Variants in CASK observed in about 807,000 individuals in gnomAD.
The protein encoded by CASK is peripheral plasma membrane protein CASK.
Under a neutral mutation model 82.9 loss-of-function variants are expected in CASK, and 4 were observed. The ratio of observed to expected loss-of-function variants is 0.05; its 90% CI spans 0.02 to 0.11. The LOEUF is 0.11. CASK is among the 10% of genes least tolerant of loss of function. The pLI, the probability that CASK is intolerant of heterozygous loss-of-function variation, is 1.00. For missense variants in CASK, 358 were observed against 720.9 expected, an observed-to-expected ratio of 0.50 and a Z score of 5.76; for synonymous variants, 259 against 253.5, an observed-to-expected ratio of 1.02 and a Z score of -0.20.
intron 8 of CASK, among the ~76,000 whole-genome samples, chrX:41,651,612 G>T (rs753228113): frequency 2.6e-3 from 287 of 111,584 alleles, no homozygotes; most frequent in Middle Eastern, 4.6e-3. Context: ...CCCAGGCTGA[G>T]AAGTAATATT....
At chrX:41,912,509 C>T (rs1474316996) in intron 1 of CASK, among the ~76,000 whole-genome samples, 2 of 107,747 alleles carry the variant, frequency 1.9e-5, no homozygotes, top group African/African-American at 6.7e-5. Flanking sequence ...GGCTTCACCA[C>T]GTTAGTCAGG....
At chrX:41,801,120 A>G (rs984353361) in intron 2 of CASK, among the ~76,000 whole-genome samples, 4 of 112,056 alleles carry the variant, frequency 3.6e-5, no homozygotes, top group African/African-American at 1.3e-4. Context: ...AGGAGGGGAA[A>G]AAAAAGCAGA....
chrX:41,747,261 G>A (rs1459784532), intron 3 of CASK, among the ~76,000 whole-genome samples: 1 of 110,147 alleles, frequency 9.1e-6, no homozygotes, highest in Non-Finnish European at 1.9e-5. Flanking sequence ...GTTTATAGTT[G>A]CCTAGTCTAC....
At chrX:41,610,114 A>T (rs768958284) in intron 11 of CASK, 89 bp from the exon 12 acceptor site, 1 of 908,890 alleles carries the variant, frequency 1.1e-6, no homozygotes, top group African/African-American at 2.0e-5. Context: ...CTTAAGAACA[A>T]TGAATTCATA....
intron 5 of CASK, among the ~76,000 whole-genome samples, chrX:41,691,045 A>G (rs6651617): frequency 0.021 from 2,362 of 112,215 alleles, 65 homozygotes; most frequent in African/African-American, 0.072. Context: ...CTATTATAAC[A>G]TAAACAAATG....
Position 41,527,612 on chromosome X carries a change from T to G in CASK, c.2520+3395A>C, listed in dbSNP as rs985986900. Among the ~76,000 whole-genome samples, 7 of 112,163 alleles carry G rather than the reference T, an allele frequency of 6.2e-5. No homozygotes were observed. In the Admixed American group the frequency reaches 6.6e-4, roughly 11 times the overall value. ...ACCCCAGAACCCATCTCAAGAGAGA[T>G]AACTGATTTCACAAAATAGTCTCTG... is the stretch of plus-strand genomic sequence containing the variant. On this transcript the variant is annotated intron_variant, in intron 25 of 26. Coordinates refer to ENST00000378163, the MANE Select transcript of CASK (RefSeq NM_001367721.1).
chrX:41,869,812 C>CAAAAAAAAAAAAAAAAAAAAAAAAAA (rs72190097), intron 1 of CASK, among the ~76,000 whole-genome samples: 1 of 12,116 alleles, frequency 8.3e-5, no homozygotes, highest in African/African-American at 4.3e-4. Flanking sequence ...GACTCTGTCT[C>CAAAAAAAAAAAAAAAAAAAAAAAAAA]AAAAAAAAAA....
intron 2 of CASK, among the ~76,000 whole-genome samples, chrX:41,823,362 G>GA (rs371360746): frequency 0.072 from 6,922 of 96,313 alleles, 617 homozygotes; most frequent in African/African-American, 0.24. Context: ...GGCAAAAAAG[G>GA]AAAAAAAAAA....
At chrX:41,619,105 C>T (rs750071956) in intron 11 of CASK, among the ~76,000 whole-genome samples, 37 of 111,073 alleles carry the variant, frequency 3.3e-4, no homozygotes, top group Non-Finnish European at 3.8e-5. Context: ...GCTGGGATTA[C>T]AGGCGTGATG....
chrX:41,691,630 G>A (rs1423439665), intron 5 of CASK, among the ~76,000 whole-genome samples: 4 of 108,889 alleles, frequency 3.7e-5, no homozygotes, highest in East Asian at 2.9e-4. Context: ...AGGCAGAGGC[G>A]GGCGGAAAAT....
At position 41,645,461 on chromosome X, in the gene CASK, G is replaced by C. The variant is rs146645027; in HGVS notation, c.832-8800C>G. Among the ~76,000 whole-genome samples the C allele has an allele frequency of 6.7e-3, 742 of 111,034 alleles. 10 individuals are homozygous for C. Among genetic ancestry groups the C allele is most frequent in the Admixed American group, 0.045 (464 of 10,348 alleles). On this transcript the variant is annotated intron_variant, in intron 8 of 26. Transcript: ENST00000378163. ...TTCACCAGGAGATCATCAATCCCCT[G>C]TCTAAGTACCCACCAGAAGACTCAA...
chrX:41,628,837 C>T (rs1473711063), intron 9 of CASK, among the ~76,000 whole-genome samples: 1 of 112,072 alleles, frequency 8.9e-6, no homozygotes, highest in Non-Finnish European at 1.9e-5. Context: ...ACGTATTATA[C>T]ATGTTTCCTA....
At chrX:41,663,488 G>A (rs772130949) in intron 7 of CASK, among the ~76,000 whole-genome samples, 33 of 112,594 alleles carry the variant, frequency 2.9e-4, no homozygotes, top group African/African-American at 9.7e-4. Context: ...ATACTAGGAA[G>A]AGGGAATTTT....
intron 12 of CASK, among the ~76,000 whole-genome samples, chrX:41,596,672 AAAAAAAC>A (rs1204520695): frequency 8.9e-6 from 1 of 111,743 alleles, no homozygotes; most frequent in Non-Finnish European, 1.9e-5. Context: ...CTTTTTATTA[AAAAAAAC>A]AAAAAACAAA....
chrX:41,632,974 C>T (rs1424451921), intron 9 of CASK, among the ~76,000 whole-genome samples: 4 of 102,029 alleles, frequency 3.9e-5, no homozygotes, highest in East Asian at 3.1e-4. Context: ...ACCTGGGAGG[C>T]GGAGGCTGCA....
chrX:41,659,632 G>A (rs1464486417), intron 8 of CASK, among the ~76,000 whole-genome samples: 1 of 111,694 alleles, frequency 9.0e-6, no homozygotes, highest in Non-Finnish European at 1.9e-5. Flanking sequence ...AAAAAGTACT[G>A]TTTCACTGCT....
intron 2 of CASK, among the ~76,000 whole-genome samples, chrX:41,841,511 G>GTTT (rs1193063113): frequency 2.5e-5 from 2 of 80,214 alleles, no homozygotes; most frequent in African/African-American, 4.5e-5. Flanking sequence ...TTTCCTTTTT[G>GTTT]TTTTTTTTTT....
intron 2 of CASK, 49 bp downstream of exon 2, chrX:41,853,066 A>G (rs1462147898): frequency 4.6e-6 from 4 of 871,059 alleles, no homozygotes; most frequent in Non-Finnish European, 5.1e-6. Context: ...GATTTTGGAG[A>G]TGGAATAAAG....
chrX:41,661,978 G>C (rs1289622777), intron 7 of CASK, among the ~76,000 whole-genome samples: 2 of 110,872 alleles, frequency 1.8e-5, no homozygotes, highest in African/African-American at 6.6e-5. Flanking sequence ...TGACAAAGTG[G>C]TTGAGAAATC....
Sources: allele counts gnomAD v4.1 joint callset (sites outside exome capture counted in the v4.1 genomes callset), GRCh38; gene constraint gnomAD v4.1.1; transcripts MANE v1.5; gene names NCBI Gene and HGNC (gene_info 2026-07-23, HGNC 2026-07-21).